Variants in POLR3E observed in about 807,000 individuals in gnomAD.
The protein encoded by POLR3E is DNA-directed RNA polymerase III subunit RPC5.
A neutral mutation model predicts 96.6 loss-of-function variants in POLR3E; 41 were observed. The ratio of observed to expected loss-of-function variants is 0.42; its 90% confidence interval spans 0.33 to 0.55. The LOEUF is 0.55. POLR3E is among the 20% of genes least tolerant of loss of function. POLR3E has a pLI of 0.06. For missense variants in POLR3E, 849 were observed against 952.1 expected (o/e 0.89, Z 1.43); for synonymous variants, 396 against 383.6 (o/e 1.03, Z -0.38).
chr16:22,309,419 G>A lies in POLR3E; in HGVS notation c.282-9G>A. 6.2e-7 allele frequency: 1 copy of A among 1,610,246 alleles called. No individual in the cohort carries two copies. The highest frequency in any genetic ancestry group is 1.3e-5 in the African/African-American group (1 of 74,968). ...TTCCCCTGTGACGTTGCTTCTCCCT[G>A]TGCTCCAGGAAGCTGATGGACAAGC... On this transcript the variant is annotated splice_polypyrimidine_tract_variant and intron_variant, in intron 5 of 20. Transcript: ENST00000299853.
chr16:22,324,475 G>T, intron 15 of POLR3E, 28 bp from the exon 16 acceptor site: 1 of 1,610,800 alleles, frequency 6.2e-7, no homozygotes, highest in Middle Eastern at 1.7e-4. Flanking sequence ...GGCTGGCTGT[G>T]CCTCACGCTG....
At chr16:22,303,575 T>C (rs1011919670) in intron 2 of POLR3E, among the ~76,000 whole-genome samples, 25 of 150,520 alleles carry the variant, frequency 1.7e-4, no homozygotes, top group Non-Finnish European at 2.9e-4. Context: ...GGGAAGCTAA[T>C]GGGCTGTGGG....
chr16:22,300,396 T>C (rs905372759), intron 1 of POLR3E, among the ~76,000 whole-genome samples: 2 of 152,302 alleles, frequency 1.3e-5, no homozygotes, highest in East Asian at 1.9e-4. Context: ...TCAACCCAGA[T>C]GTACTATCCA....
At chr16:22,306,728 C>G (rs529603660) in intron 3 of POLR3E, among the ~76,000 whole-genome samples, 11 of 152,356 alleles carry the variant, frequency 7.2e-5, no homozygotes, top group Non-Finnish European at 1.6e-4. Context: ...CTCATTTCTT[C>G]TAGGTATATG....
At position 22,322,731 on chromosome 16, in the gene POLR3E, C is replaced by A; in HGVS notation, c.987-119C>A. 1 of 673,208 alleles carries A rather than the reference C, an allele frequency of 1.5e-6. No individual in the cohort carries two copies. The highest frequency in any genetic ancestry group is 1.8e-5 in the African/African-American group (1 of 56,172). 41.7% of individuals were successfully genotyped at this position (673,208 alleles called of 1,614,324 possible). On this transcript the variant is annotated intron_variant, in intron 13 of 20. Transcript: ENST00000299853. The surrounding 1 kb of genome is among the most constrained non-coding windows in gnomAD (Gnocchi z 5.2). Reference sequence around the variant, plus strand: ...TGGCTCCTAAGGGGAGGTCTTGGGGCTCAGGCCTGTACCCAGCCCACGGTG... The same window carrying A: ...TGGCTCCTAAGGGGAGGTCTTGGGGATCAGGCCTGTACCCAGCCCACGGTG...
At chr16:22,325,457 G>A (rs2048560810) in intron 17 of POLR3E, 191 bp downstream of exon 17, 16 of 634,190 alleles carry the variant, frequency 2.5e-5, no homozygotes. Flanking sequence ...GAGCCTCAGG[G>A]ACGGAGGCTT....
chr16:22,309,469 C>G lies in POLR3E; in HGVS notation c.323C>G (p.Thr108Ser). The change falls in exon 6 of 21, where the codon ACC becomes AGC. Residue 108 changes from threonine (T) to serine (S), a missense_variant. Coordinates refer to ENST00000299853, the MANE Select transcript of POLR3E (RefSeq NM_018119.4). ...DKQTFCSSQT[T>S]SNTSRYAAAL... ...CAGACCTTCTGCTCTTCCCAGACCA[C>G]CAGTAACACATCCCGTTATGCCGCT... The G allele has an allele frequency of 6.2e-7, 1 of 1,613,938 alleles. No homozygotes were observed. The highest frequency in any genetic ancestry group is 8.5e-7 in the Non-Finnish European group (1 of 1,179,924).
chr16:22,331,036 CCT>C (rs1375016690), intron 19 of POLR3E, among the ~76,000 whole-genome samples: 1 of 110,716 alleles, frequency 9.0e-6, no homozygotes. Flanking sequence ...ACAGAGTCTC[CCT>C]CTGTCAGCCA....
chr16:22,315,741 A>G (rs1025014526), intron 9 of POLR3E, among the ~76,000 whole-genome samples: 10 of 152,110 alleles, frequency 6.6e-5, no homozygotes, highest in Non-Finnish European at 1.3e-4. Flanking sequence ...GCTCGATCTC[A>G]GCTCACTGCA....
chr16:22,299,671 C>G (rs2047980708), intron 1 of POLR3E, among the ~76,000 whole-genome samples: 1 of 152,064 alleles, frequency 6.6e-6, no homozygotes, highest in Non-Finnish European at 1.5e-5. Context: ...GCCTCGGCCT[C>G]CCAAAGTGCT....
chr16:22,311,480 TTTG>T (rs2048245374), intron 6 of POLR3E, among the ~76,000 whole-genome samples: 2 of 151,324 alleles, frequency 1.3e-5, no homozygotes, highest in South Asian at 2.1e-4. Flanking sequence ...GGTGTGTTTT[TTTG>T]TTGTTGTTTG....
intron 16 of POLR3E, 141 bp from the exon 17 acceptor site, chr16:22,325,064 G>GCAGACTCTACTGAGTCT: frequency 1.4e-6 from 1 of 729,140 alleles, no homozygotes; most frequent in South Asian, 1.6e-5. Context: ...GCCAGAAGAG[G>GCAGACTCTACTGAGTCT]GACTCAGTAG....
At chr16:22,331,167 C>T (rs564737396) in intron 19 of POLR3E, among the ~76,000 whole-genome samples, 8 of 151,808 alleles carry the variant, frequency 5.3e-5, no homozygotes, top group African/African-American at 1.5e-4. Flanking sequence ...TTAGTAGAGA[C>T]GGAGTTTCAC....
intron 1 of POLR3E, among the ~76,000 whole-genome samples, chr16:22,298,625 A>G (rs753460793): frequency 5.3e-5 from 8 of 152,292 alleles, no homozygotes; most frequent in South Asian, 2.1e-4. Flanking sequence ...ACTGCCGTTT[A>G]TCAGAAAACC....
At position 22,317,982 on chromosome 16, in the gene POLR3E, C is replaced by T. The variant is rs144127455; in HGVS notation, c.865+776C>T. ...CTGATCCTTGAGTTCAGAATGGAGC[C>T]GCAGAACCTGGGCTCGTCCTTTGAG... On this transcript the variant is annotated intron_variant, in intron 12 of 20. Transcript: ENST00000299853. 3.1e-3 allele frequency among the ~76,000 whole-genome samples: 472 copies of T among 152,166 alleles called. 4 individuals carry two copies. Among genetic ancestry groups the T allele is most frequent in the African/African-American group, 0.011 (456 of 41,520 alleles).
At position 22,332,140 on chromosome 16, in the gene POLR3E, G is replaced by T. The variant is rs758213533; in HGVS notation, c.2025G>T (p.Glu675Asp). The T allele has an allele frequency of 1.2e-6, 2 of 1,613,698 alleles. No individual in the cohort carries two copies. The highest frequency in any genetic ancestry group is 2.2e-5 in the South Asian group (2 of 91,066). The change falls in exon 20 of 21, where the codon GAG becomes GAT. Residue 675 changes from glutamate to aspartate, a missense_variant. By Grantham distance (45) the Glu-to-Asp change is conservative. Transcript: ENST00000299853. ...TGATCCAGTCTCGGTTGACTCAAGA[G>T]TGTGGAGAAGATCTCAGTAAACAGG... ...RNMIQSRLTQECGEDLSKQEV... is the reference protein window; with the variant it reads ...RNMIQSRLTQDCGEDLSKQEV...
intron 9 of POLR3E, among the ~76,000 whole-genome samples, chr16:22,315,674 A>AT (rs200833314): frequency 0.02 from 2,998 of 151,716 alleles, 77 homozygotes; most frequent in Admixed American, 0.066. Flanking sequence ...TTATTTATTT[A>AT]TTATTTATTT....
rs375024210 is a variant in POLR3E, at chr16:22,302,985, A to G, written c.17A>G (p.Asp6Gly). 36 of 1,614,026 alleles carry G rather than the reference A, an allele frequency of 2.2e-5. No homozygotes were observed. The highest frequency in any genetic ancestry group is 1.6e-4 in the Middle Eastern group (1 of 6,062). MANEE[D>G]DPVVQEIDVY... ...TCCTCTAGTATGGCCAATGAAGAGGATGACCCAGTTGTACAGGAGGTAACT... is the reference window on the plus strand; with the variant it reads ...TCCTCTAGTATGGCCAATGAAGAGGGTGACCCAGTTGTACAGGAGGTAACT... Residue 6 changes from aspartate (D) to glycine (G), a missense_variant, in exon 2 of 21, where the codon GAT (aspartate) becomes GGT (glycine). By Grantham distance (94) the Asp-to-Gly change is moderately conservative. Transcript: ENST00000299853.
rs2141819214 is a variant in POLR3E at position 22,328,545 on chromosome 16, G to A, written c.1902G>A (p.Gln634=). The change falls in exon 19 of 21, where the codon CAG becomes CAA. Residue 634 remains glutamine (Q), a synonymous_variant. Coordinates refer to ENST00000299853, the MANE Select transcript of POLR3E (RefSeq NM_018119.4). The part of the protein sequence containing the change: ...PPQTAASPDE[Q]KVFALWESGD... ...AGACTGCTGCTTCCCCGGATGAGCAGAAGGTGTTTGCCCTCTGGGAGTCTG... is the reference window on the plus strand; with the variant it reads ...AGACTGCTGCTTCCCCGGATGAGCAAAAGGTGTTTGCCCTCTGGGAGTCTG... 1 of 1,614,158 alleles carries A rather than the reference G, an allele frequency of 6.2e-7. No homozygotes were observed. The highest frequency in any genetic ancestry group is 8.5e-7 in the Non-Finnish European group (1 of 1,180,004).
Sources: gnomAD v4.1 joint callset for allele counts (sites outside exome capture counted in the v4.1 genomes callset) on GRCh38, gnomAD v4.1.1 for gene constraint, Gnocchi (gnomAD v3.1) non-coding constraint, MANE v1.5 for transcripts, NCBI Gene and HGNC (gene_info 2026-07-23, HGNC 2026-07-21) for gene names.